The following STARD8 variants were observed in gnomAD, a reference collection of about 807,000 sequenced individuals.
STARD8 encodes stAR-related lipid transfer protein 8.
A neutral mutation model predicts 69.4 loss-of-function variants in STARD8; 25 were observed. The ratio of observed to expected loss-of-function variants is 0.36; its 90% CI spans 0.26 to 0.50. The LOEUF (loss-of-function observed/expected upper bound fraction) is 0.50, where lower values mean the gene tolerates loss of function less well. STARD8 is among the 20% of genes least tolerant of loss of function. STARD8 has a pLI of 0.96. For synonymous variants in STARD8, 389 were observed against 374.6 expected (o/e 1.04, Z -0.45); for missense variants, 921 against 932.5 (o/e 0.99, Z 0.16).
chrX:68,671,720 C>T (rs1280558085), intron 2 of STARD8, among the ~76,000 whole-genome samples: 2 of 112,037 alleles, frequency 1.8e-5, no homozygotes, highest in Non-Finnish European at 3.8e-5. Context: ...GGTGCAGATC[C>T]GTGTAAAACA....
intron 2 of STARD8, among the ~76,000 whole-genome samples, chrX:68,665,884 T>C (rs1367366154): frequency 8.9e-6 from 1 of 111,959 alleles, no homozygotes; most frequent in Non-Finnish European, 1.9e-5. Flanking sequence ...GAGAGATGCC[T>C]CAGGAGAGAA....
Position 68,724,456 on chromosome X carries a change from GC to G in STARD8, c.*39del, listed in dbSNP as rs1328124761. ...CTGGTCCCAGGGTGGCACCACCCAG[GC>G]CCCCTGGGCACCAAGGGAGCGAGGG... On this transcript the variant is annotated 3_prime_UTR_variant, in exon 15 of 15. Coordinates refer to ENST00000374599, the MANE Select transcript of STARD8 (RefSeq NM_001142503.3). The G allele has an allele frequency of 8.9e-7, 1 of 1,124,450 alleles. No homozygotes were observed. The highest frequency in any genetic ancestry group is 1.8e-5 in the African/African-American group (1 of 55,531). The allele number at this position is 1,124,450 out of a possible 1,213,427, so 92.7% of individuals were successfully genotyped here. A position where few individuals can be genotyped will look rare whatever the true frequency, so the allele number is the denominator to read the frequency against.
intron 2 of STARD8, among the ~76,000 whole-genome samples, chrX:68,694,030 G>A (rs2079899608): frequency 8.8e-6 from 1 of 113,335 alleles, no homozygotes; most frequent in African/African-American, 3.2e-5. Flanking sequence ...CGAAATTGGG[G>A]GACCCCCGAG....
intron 2 of STARD8, among the ~76,000 whole-genome samples, chrX:68,684,415 G>T (rs1476457630): frequency 2.7e-5 from 3 of 113,016 alleles, no homozygotes; most frequent in African/African-American, 9.6e-5. Context: ...GCCTTAGCAG[G>T]GTGGGAAGTG....
Position 68,721,761 on chromosome X carries a change from G to A in STARD8, c.2459+15G>A, listed in dbSNP as rs761196499. On this transcript the variant is annotated intron_variant, in intron 10 of 14. Coordinates refer to ENST00000374599, the MANE Select transcript of STARD8 (RefSeq NM_001142503.3). Reference sequence around the variant, plus strand: ...CCCTCTCCCAGGTGAAATGGTGCACGGCATGTCAGGGCCGGGCTGGGTCCA... The same window carrying A: ...CCCTCTCCCAGGTGAAATGGTGCACAGCATGTCAGGGCCGGGCTGGGTCCA... 4.1e-5 allele frequency: 49 copies of A among 1,195,300 alleles called. No homozygotes were observed. Among genetic ancestry groups the A allele is most frequent in the East Asian group, 8.9e-5 (3 of 33,583 alleles).
At chrX:68,686,036 A>G (rs2079829687) in intron 2 of STARD8, among the ~76,000 whole-genome samples, 1 of 112,110 alleles carries the variant, frequency 8.9e-6, no homozygotes, top group Non-Finnish European at 1.9e-5. Context: ...TGACCCCATA[A>G]CTAGGAAGAC....
At chrX:68,680,015 G>A (rs1248671562) in intron 2 of STARD8, among the ~76,000 whole-genome samples, 1 of 112,143 alleles carries the variant, frequency 8.9e-6, no homozygotes, top group Non-Finnish European at 1.9e-5. Context: ...TGCCAACACT[G>A]TTTATCTAAG....
At chrX:68,711,837 G>A (rs113950443) in intron 2 of STARD8, among the ~76,000 whole-genome samples, 3 of 112,338 alleles carry the variant, frequency 2.7e-5, no homozygotes, top group African/African-American at 9.7e-5. Flanking sequence ...TGAGGAAATG[G>A]AGGATGTGTT....
At chrX:68,718,703 G>C in intron 6 of STARD8, 74 bp downstream of exon 6, 1 of 1,109,651 alleles carries the variant, frequency 9.0e-7, no homozygotes, top group Non-Finnish European at 1.2e-6. Flanking sequence ...TGATTTCTCA[G>C]TCATGAGGCC....
chrX:68,721,077 A>G lies in STARD8; in HGVS notation c.2203A>G (p.Ile735Val). ...KQYFRDLPEP[I>V]FTSKLTTTFL... ...GTATTTCCGGGACCTGCCTGAGCCC[A>G]TCTTCACCAGCAAGCTCACCACCAC... Residue 735 changes from isoleucine to valine, a missense_variant, in exon 9 of 15, where the codon ATC (isoleucine) becomes GTC (valine). Coordinates refer to ENST00000374599, the MANE Select transcript of STARD8 (RefSeq NM_001142503.3). 2 of 1,212,007 alleles carry G rather than the reference A, an allele frequency of 1.7e-6. No individual in the cohort carries two copies. Among genetic ancestry groups the G allele is most frequent in the East Asian group, 3.0e-5 (1 of 33,838 alleles).
chrX:68,716,377 G>A lies in STARD8; in HGVS notation c.243G>A (p.Met81Ile), dbSNP rs2080091225. ...TTCCATTTTGTTACAGGAGGCTGAT[G>A]ACCTTGAATAATTGTGCCTCGATGA... ...DSLGALCRRL[M>I]TLNNCASMKL... is the part of the protein sequence containing the mutation. The change falls in exon 5 of 15, where the codon ATG (methionine) becomes ATA (isoleucine). Residue 81 changes from methionine to isoleucine, a missense_variant. Physicochemically the swap from Met to Ile is conservative, Grantham distance 10. Coordinates refer to ENST00000374599, the MANE Select transcript of STARD8 (RefSeq NM_001142503.3). 8.3e-7 allele frequency: 1 copy of A among 1,210,878 alleles called. No homozygotes were observed. Among genetic ancestry groups the A allele is most frequent in the Non-Finnish European group, 1.1e-6 (1 of 894,993 alleles).
At chrX:68,674,619 T>C (rs938803679) in intron 2 of STARD8, among the ~76,000 whole-genome samples, 2 of 111,126 alleles carry the variant, frequency 1.8e-5, no homozygotes, top group African/African-American at 6.5e-5. Flanking sequence ...TATCTATCCA[T>C]CCTTACCAAG....
chrX:68,720,247 G>T lies in STARD8; in HGVS notation c.1890-17G>T, dbSNP rs7061482. On this transcript the variant is annotated splice_polypyrimidine_tract_variant and intron_variant, in intron 7 of 14. Transcript: ENST00000374599. ...CTGTGTTCCCCCTATCTGATCACTT[G>T]TCATTCTCCCAAACAGGTCAATGCC... 751 of 1,177,045 alleles carry T rather than the reference G, an allele frequency of 6.4e-4. 8 individuals carry two copies. The African/African-American group carries it at 0.012, about 18-fold the overall frequency.
chrX:68,718,500 G>A lies in STARD8; in HGVS notation c.1586G>A (p.Ser529Asn), dbSNP rs1302926880. 1 of 1,211,022 alleles carries A rather than the reference G, an allele frequency of 8.3e-7. No homozygotes were observed. The highest frequency in any genetic ancestry group is 3.0e-5 in the East Asian group (1 of 33,759). The change falls in exon 6 of 15, where the codon AGC becomes AAC. Residue 529 changes from serine to asparagine, a missense_variant. Transcript: ENST00000374599. Reference sequence around the variant, plus strand: ...ATTTCTGACACTGTGGCCTCCTCCAGCGAACTTGACAGTAGTGGGAACTCC... The same window carrying A: ...ATTTCTGACACTGTGGCCTCCTCCAACGAACTTGACAGTAGTGGGAACTCC... Reference protein sequence around the residue: ...HSISDTVASSSELDSSGNSMN... With the variant: ...HSISDTVASSNELDSSGNSMN...
chrX:68,687,885 C>T (rs747507013), intron 2 of STARD8, among the ~76,000 whole-genome samples: 150 of 112,395 alleles, frequency 1.3e-3, no homozygotes, highest in African/African-American at 4.6e-3. Context: ...CTGGGATGGG[C>T]GTTCTCTGTC....
chrX:68,703,799 A>G (rs190049961), intron 2 of STARD8, among the ~76,000 whole-genome samples: 1 of 111,736 alleles, frequency 8.9e-6, no homozygotes, highest in Non-Finnish European at 1.9e-5. Flanking sequence ...CCTTCTCTCA[A>G]GTGAACGTGG....
Position 68,723,679 on chromosome X carries a change from C to G in STARD8, c.2853C>G (p.Ala951=). ...GGAAGGCATCCACAGAGGTGGCAGCCCCCCCAGCTGTGGTGCTGCATCGTG... is the reference window on the plus strand; with the variant it reads ...GGAAGGCATCCACAGAGGTGGCAGCGCCCCCAGCTGTGGTGCTGCATCGTG... ...RLWKASTEVA[A]PPAVVLHRVL... Residue 951 remains alanine, a synonymous_variant, in exon 13 of 15, where the codon GCC becomes GCG. Transcript: ENST00000374599. The G allele has an allele frequency of 8.3e-7, 1 of 1,199,098 alleles. No individual in the cohort carries two copies. The highest frequency in any genetic ancestry group is 3.0e-5 in the East Asian group (1 of 33,233).
chrX:68,698,985 G>A (rs754817420), intron 2 of STARD8, among the ~76,000 whole-genome samples: 42 of 112,114 alleles, frequency 3.7e-4, no homozygotes, highest in African/African-American at 1.3e-3. Context: ...AGTTGGAGCT[G>A]GCCAAGCCCT....
chrX:68,694,681 T>G (rs1263108320), intron 2 of STARD8, among the ~76,000 whole-genome samples: 1 of 111,493 alleles, frequency 9.0e-6, no homozygotes, highest in East Asian at 2.8e-4. Flanking sequence ...CACCCTGACA[T>G]TTGTTTACTT....
Sources: gnomAD v4.1 joint callset for allele counts (sites outside exome capture counted in the v4.1 genomes callset) on GRCh38, gnomAD v4.1.1 for gene constraint, MANE v1.5 for transcripts, NCBI Gene and HGNC (gene_info 2026-07-23, HGNC 2026-07-21) for gene names.